The following GPC5 variants were observed in gnomAD, a reference collection of about 807,000 sequenced individuals.
GPC5 encodes the protein glypican 5.
In GPC5, 47 loss-of-function variants were observed where a neutral mutation model predicts 53.9. That is an observed-to-expected ratio of 0.87 (90% CI 0.69 to 1.11). The LOEUF (loss-of-function observed/expected upper bound fraction) is 1.11, where lower values mean the gene tolerates loss of function less well. Among genes scored for constraint, GPC5 ranks in the 50% most tolerant of loss-of-function variants. The probability of loss-of-function intolerance (pLI) is 0.00; values close to 1 mark genes in which losing one functional copy is unlikely to be tolerated. For missense variants in GPC5, 748 were observed against 713.1 expected (o/e 1.05, Z -0.56); for synonymous variants, 286 against 263.3 (o/e 1.09, Z -0.84).
At chr13:91,434,130 A>T (rs1879717370) in intron 1 of GPC5, among the ~76,000 whole-genome samples, 1 of 151,810 alleles carries the variant, frequency 6.6e-6, no homozygotes, top group African/African-American at 2.4e-5. Flanking sequence ...GATTGCAAAA[A>T]TTTTCTCCCA....
At chr13:91,453,563 G>T (rs746301291) in intron 2 of GPC5, among the ~76,000 whole-genome samples, 1 of 151,844 alleles carries the variant, frequency 6.6e-6, no homozygotes, top group African/African-American at 2.4e-5. Flanking sequence ...GAATAAAGGC[G>T]TATTGCTATT....
intron 2 of GPC5, among the ~76,000 whole-genome samples, chr13:91,643,731 C>T (rs2034490422): frequency 6.6e-6 from 1 of 152,150 alleles, no homozygotes; most frequent in African/African-American, 2.4e-5. Context: ...GAAGCATCAC[C>T]TCAATTTCTG....
chr13:92,580,202 A>G (rs1327333966), intron 7 of GPC5, among the ~76,000 whole-genome samples: 1 of 152,238 alleles, frequency 6.6e-6, no homozygotes, highest in Non-Finnish European at 1.5e-5. Context: ...AAGCATAAAG[A>G]TATCTCAAGA....
At chr13:92,532,521 C>T (rs1881597519) in intron 7 of GPC5, among the ~76,000 whole-genome samples, 1 of 152,058 alleles carries the variant, frequency 6.6e-6, no homozygotes, top group South Asian at 2.1e-4. Context: ...CAAAGAAATA[C>T]AAAACACTGT....
chr13:92,668,790 T>C (rs1566354126), intron 7 of GPC5, among the ~76,000 whole-genome samples: 1 of 152,116 alleles, frequency 6.6e-6, no homozygotes, highest in African/African-American at 2.4e-5. Flanking sequence ...TTACATAAAC[T>C]TTATCCAAAA....
intron 7 of GPC5, among the ~76,000 whole-genome samples, chr13:92,631,011 G>A (rs1473007015): frequency 6.6e-6 from 1 of 151,758 alleles, no homozygotes; most frequent in African/African-American, 2.4e-5. Flanking sequence ...CTTGCTAATC[G>A]AATGTCATTT....
intron 7 of GPC5, among the ~76,000 whole-genome samples, chr13:92,552,808 A>G (rs1389476483): frequency 2.6e-5 from 4 of 151,926 alleles, no homozygotes; most frequent in African/African-American, 9.7e-5. Flanking sequence ...TACTCCCTTC[A>G]TTGATATGTC....
chr13:91,620,612 G>A (rs2033828013), intron 2 of GPC5, among the ~76,000 whole-genome samples: 1 of 152,068 alleles, frequency 6.6e-6, no homozygotes, highest in South Asian at 2.1e-4. Flanking sequence ...CTTAAGTTAT[G>A]GTCTCTCTGC....
intron 6 of GPC5, among the ~76,000 whole-genome samples, chr13:91,991,327 C>A (rs977879203): frequency 6.6e-6 from 1 of 152,178 alleles, no homozygotes; most frequent in African/African-American, 2.4e-5. Flanking sequence ...ATTGCAATTT[C>A]TTTGCTGTCA....
At chr13:91,568,552 G>C (rs150893508) in intron 2 of GPC5, among the ~76,000 whole-genome samples, 2 of 144,060 alleles carry the variant, frequency 1.4e-5, no homozygotes, top group Non-Finnish European at 3.0e-5. Flanking sequence ...AAAAAGTAGA[G>C]CTTTTATTGA....
At chr13:91,774,007 C>T (rs966038984) in intron 5 of GPC5, among the ~76,000 whole-genome samples, 1 of 152,182 alleles carries the variant, frequency 6.6e-6, no homozygotes, top group African/African-American at 2.4e-5. Flanking sequence ...TTAGCAATTT[C>T]CTGTTCATTT....
intron 7 of GPC5, among the ~76,000 whole-genome samples, chr13:92,197,327 A>G (rs2042263873): frequency 6.6e-6 from 1 of 152,218 alleles, no homozygotes; most frequent in Non-Finnish European, 1.5e-5. Flanking sequence ...GTGTATCTAC[A>G]TCCGTCTATA....
intron 7 of GPC5, among the ~76,000 whole-genome samples, chr13:92,576,947 T>C (rs1329849678): frequency 6.6e-6 from 1 of 152,224 alleles, no homozygotes; most frequent in Non-Finnish European, 1.5e-5. Flanking sequence ...TCTTCTTTTG[T>C]ATCCTGCAAT....
At chr13:92,669,462 A>G (rs1028675132) in intron 7 of GPC5, among the ~76,000 whole-genome samples, 1 of 152,074 alleles carries the variant, frequency 6.6e-6, no homozygotes, top group African/African-American at 2.4e-5. Context: ...TGCTACATTT[A>G]TATTATTCTT....
rs138357914 is a variant in GPC5 at position 91,493,238 on chromosome 13, T to A, written c.325+44316T>A. ...TTTGTGGGTACATACTAGGTGTATA[T>A]ATTTGTTGGGTACATGAAATATTTT... On this transcript the variant is annotated intron_variant, in intron 2 of 7. Transcript: ENST00000377067. 1.6e-3 allele frequency among the ~76,000 whole-genome samples: 243 copies of A among 152,346 alleles called. 1 individual carries two copies. Among genetic ancestry groups the A allele is most frequent in the African/African-American group, 5.7e-3 (235 of 41,574 alleles).
intron 7 of GPC5, among the ~76,000 whole-genome samples, chr13:92,859,426 G>T (rs1028155725): frequency 5.9e-5 from 9 of 151,850 alleles, no homozygotes; most frequent in African/African-American, 1.9e-4. Flanking sequence ...CATATGTCGA[G>T]ACATAGATAT....
At chr13:91,621,761 T>TATATATATA (rs11462875) in intron 2 of GPC5, among the ~76,000 whole-genome samples, 1,312 of 46,684 alleles carry the variant, frequency 0.028, 262 homozygotes, top group East Asian at 0.04. Context: ...GGACAGAACA[T>TATATATATA]TATATATATA....
intron 7 of GPC5, among the ~76,000 whole-genome samples, chr13:92,586,391 G>C (rs996969101): frequency 6.6e-6 from 1 of 152,218 alleles, no homozygotes; most frequent in African/African-American, 2.4e-5. Context: ...AGCATAGCAT[G>C]TGAGAACAAG....
chr13:91,539,033 A>C (rs1216331594), intron 2 of GPC5, among the ~76,000 whole-genome samples: 1 of 152,204 alleles, frequency 6.6e-6, no homozygotes, highest in African/African-American at 2.4e-5. Flanking sequence ...GTCACTGTGT[A>C]TAATGCTAGT....
Sources: gnomAD v4.1 joint callset for allele counts (sites outside exome capture counted in the v4.1 genomes callset) on GRCh38, gnomAD v4.1.1 for gene constraint, MANE v1.5 for transcripts, NCBI Gene and HGNC (gene_info 2026-07-23, HGNC 2026-07-21) for gene names.